The following RABGAP1L variants were observed in gnomAD, a reference collection of about 807,000 sequenced individuals.
The protein encoded by RABGAP1L is rab GTPase-activating protein 1-like.
A neutral mutation model predicts 137.7 loss-of-function variants in RABGAP1L; 63 were observed. The ratio of observed to expected loss-of-function variants is 0.46; its 90% confidence interval spans 0.37 to 0.56. RABGAP1L has a LOEUF of 0.56. Among genes scored for constraint, RABGAP1L ranks in the 20% least tolerant of loss-of-function variants. The pLI is 0.00. For missense variants in RABGAP1L, 1,095 were observed against 1,244.0 expected (o/e 0.88, Z 1.80); for synonymous variants, 431 against 433.7 (o/e 0.99, Z 0.08).
At chr1:174,574,052 G>T (rs773629017) in intron 13 of RABGAP1L, among the ~76,000 whole-genome samples, 2 of 152,186 alleles carry the variant, frequency 1.3e-5, no homozygotes, top group Admixed American at 1.3e-4. Context: ...CACATAAGAG[G>T]CATGCTAATT....
intron 11 of RABGAP1L, among the ~76,000 whole-genome samples, chr1:174,309,508 T>C (rs1678616720): frequency 6.6e-6 from 1 of 152,064 alleles, no homozygotes; most frequent in African/African-American, 2.4e-5. Flanking sequence ...TATGGCCTTA[T>C]TTTATCCAGG....
At chr1:174,294,491 CAGAT>C (rs1227275854) in intron 10 of RABGAP1L, among the ~76,000 whole-genome samples, 3 of 152,234 alleles carry the variant, frequency 2.0e-5, no homozygotes, top group South Asian at 4.1e-4. Flanking sequence ...TTACTCTGAA[CAGAT>C]AGATAGGTCA....
chr1:174,277,439 A>G (rs1675094344), intron 9 of RABGAP1L, among the ~76,000 whole-genome samples: 1 of 151,804 alleles, frequency 6.6e-6, no homozygotes, highest in Non-Finnish European at 1.5e-5. Context: ...TTTTAATGTA[A>G]CACCTAGTTT....
chr1:174,832,292 CAAAAAAGAAAAAAGAAAAA>C (rs1692190348), intron 19 of RABGAP1L, among the ~76,000 whole-genome samples: 1 of 110,618 alleles, frequency 9.0e-6, no homozygotes, highest in Non-Finnish European at 1.9e-5. Context: ...GACTCTATCT[CAAAAAAGAAAAAAGAAAAA>C]GAAAAAGAAA....
chr1:174,637,559 T>C, intron 14 of RABGAP1L, 71 bp downstream of exon 14: 1 of 1,108,618 alleles, frequency 9.0e-7, no homozygotes, highest in Non-Finnish European at 1.4e-6. Flanking sequence ...TTTAAGGATT[T>C]TTTTACTCTG....
rs566762257 is a variant in RABGAP1L at position 174,351,711 on chromosome 1, A to G, written c.1466-19268A>G. On this transcript the variant is annotated intron_variant, in intron 11 of 25. Coordinates refer to ENST00000681986, the MANE Select transcript of RABGAP1L (RefSeq NM_001366446.1). Reference sequence around the variant, plus strand: ...CCTTAAGGTTGTCTTCTTTGAGTTAAATCTGCTTGGTGTTCTATAACCTTT... The same window carrying G: ...CCTTAAGGTTGTCTTCTTTGAGTTAGATCTGCTTGGTGTTCTATAACCTTT... Among the ~76,000 whole-genome samples the G allele has an allele frequency of 6.6e-5, 10 of 151,906 alleles. No individual in the cohort carries two copies. In the East Asian group the frequency reaches 1.9e-3, roughly 29 times the overall value.
intron 17 of RABGAP1L, chr1:174,705,750 C>T (rs1214588708): frequency 1.3e-5 from 2 of 152,128 alleles, no homozygotes; most frequent in Non-Finnish European, 2.9e-5. Flanking sequence ...TTACTTCCTG[C>T]ATGTCTGTGT....
chr1:174,409,893 A>G (rs1329775962), intron 13 of RABGAP1L, among the ~76,000 whole-genome samples: 3 of 152,186 alleles, frequency 2.0e-5, no homozygotes, highest in South Asian at 2.1e-4. Context: ...TTATCAAGAC[A>G]ATACGTGCAC....
chr1:174,759,785 CTT>C (rs927128963), intron 18 of RABGAP1L, among the ~76,000 whole-genome samples: 1 of 152,024 alleles, frequency 6.6e-6, no homozygotes, highest in African/African-American at 2.4e-5. Flanking sequence ...GTCCCAGACT[CTT>C]TTACAACAGC....
At chr1:174,620,222 C>T (rs1037022804) in intron 13 of RABGAP1L, among the ~76,000 whole-genome samples, 1 of 152,144 alleles carries the variant, frequency 6.6e-6, no homozygotes, top group South Asian at 2.1e-4. Context: ...TTAGACAGAT[C>T]AATGAGACAG....
intron 2 of RABGAP1L, among the ~76,000 whole-genome samples, chr1:174,219,849 A>C (rs1669619509): frequency 6.6e-6 from 1 of 152,174 alleles, no homozygotes; most frequent in South Asian, 2.1e-4. Flanking sequence ...ACTCAGTTAT[A>C]TAGGCTTGAA....
At chr1:174,382,781 C>A (rs1172382943) in intron 12 of RABGAP1L, among the ~76,000 whole-genome samples, 1 of 150,900 alleles carries the variant, frequency 6.6e-6, no homozygotes, top group Non-Finnish European at 1.5e-5. Context: ...AAGCCTTCTT[C>A]TCTCAGCTTG....
At chr1:174,428,705 C>T (rs1652249701) in intron 13 of RABGAP1L, among the ~76,000 whole-genome samples, 1 of 151,972 alleles carries the variant, frequency 6.6e-6, no homozygotes, top group South Asian at 2.1e-4. Flanking sequence ...AAAAAAAGTC[C>T]TCAAAGACCC....
intron 11 of RABGAP1L, among the ~76,000 whole-genome samples, chr1:174,337,402 A>G (rs562311176): frequency 2.0e-4 from 30 of 152,142 alleles, no homozygotes; most frequent in Non-Finnish European, 3.8e-4. Flanking sequence ...TGCAAGCAGA[A>G]TATGAAGTAT....
intron 17 of RABGAP1L, among the ~76,000 whole-genome samples, chr1:174,745,686 A>G (rs565897311): frequency 6.6e-6 from 1 of 152,338 alleles, no homozygotes; most frequent in South Asian, 2.1e-4. Context: ...AATATAAAAT[A>G]CTGGATATAA....
chr1:174,800,510 T>C (rs1688661363), intron 18 of RABGAP1L: 1 of 1,549,912 alleles, frequency 6.5e-7, no homozygotes, highest in Non-Finnish European at 8.7e-7. Context: ...GGTGAGATTG[T>C]TTTTCATTGA....
intron 13 of RABGAP1L, among the ~76,000 whole-genome samples, chr1:174,394,376 A>G (rs1647557873): frequency 6.6e-6 from 1 of 152,176 alleles, no homozygotes; most frequent in Admixed American, 6.5e-5. Flanking sequence ...AAGTGATTTT[A>G]TAATAGCTAT....
chr1:174,601,193 C>A (rs528717068), intron 13 of RABGAP1L, among the ~76,000 whole-genome samples: 1 of 152,180 alleles, frequency 6.6e-6, no homozygotes, highest in South Asian at 2.1e-4. Context: ...GTCCCTAGGC[C>A]GCACGCAGCA....
intron 21 of RABGAP1L, among the ~76,000 whole-genome samples, chr1:174,973,802 T>C (rs925986851): frequency 6.6e-6 from 1 of 151,958 alleles, no homozygotes; most frequent in East Asian, 1.9e-4. Context: ...AAAGGATCAG[T>C]CTGTTCACAA....
Sources: allele counts gnomAD v4.1 joint callset (sites outside exome capture counted in the v4.1 genomes callset), GRCh38; gene constraint gnomAD v4.1.1; transcripts MANE v1.5; gene names NCBI Gene and HGNC (gene_info 2026-07-23, HGNC 2026-07-21).